The following AKR1C8 variants were observed in gnomAD, a reference collection of about 807,000 sequenced individuals.
AKR1C8 encodes aldo-keto reductase family 1 member C8.
the AKR1C8 span, among the ~76,000 whole-genome samples, chr10:5,178,517 T>G: frequency 6.6e-6 from 1 of 151,802 alleles, no homozygotes; most frequent in African/African-American, 2.4e-5. Context: ...AGAGCTGAGT[T>G]CAATTCCTGG....
the AKR1C8 span, among the ~76,000 whole-genome samples, chr10:5,178,780 C>G: frequency 1.5e-4 from 23 of 149,252 alleles, no homozygotes; most frequent in Non-Finnish European, 2.7e-4. Context: ...TCTGTTTTAT[C>G]AGAGACTAGG....
At chr10:5,165,120 T>G in the AKR1C8 span, among the ~76,000 whole-genome samples, 22 of 152,174 alleles carry the variant, frequency 1.4e-4, no homozygotes, top group South Asian at 4.1e-4. Context: ...TTGTCCCTAC[T>G]GATAGACATT....
the AKR1C8 span, among the ~76,000 whole-genome samples, chr10:5,168,893 G>T: frequency 6.6e-6 from 1 of 152,036 alleles, no homozygotes; most frequent in Admixed American, 6.6e-5. Context: ...TCAGAACCAA[G>T]TCTCTTAATT....
the AKR1C8 span, among the ~76,000 whole-genome samples, chr10:5,120,079 C>G: frequency 1.3e-5 from 2 of 152,184 alleles, no homozygotes; most frequent in Admixed American, 6.5e-5. Context: ...TGGCAAGGAA[C>G]AGCTGGCCCA....
chr10:5,139,607 G>A, the AKR1C8 span, among the ~76,000 whole-genome samples: 1 of 152,118 alleles, frequency 6.6e-6, no homozygotes, highest in Non-Finnish European at 1.5e-5. Flanking sequence ...TATATAGAAA[G>A]CTGAAATTGG....
chr10:5,179,518 G>C, the AKR1C8 span, among the ~76,000 whole-genome samples: 2 of 152,034 alleles, frequency 1.3e-5, no homozygotes, highest in African/African-American at 4.8e-5. Context: ...GAATCTGAAT[G>C]TTGGCCTGCC....
chr10:5,157,680 C>T, the AKR1C8 span: 5 of 472,672 alleles, frequency 1.1e-5, no homozygotes, highest in East Asian at 3.5e-4. Context: ...TCTTGGCCAG[C>T]ACCACCACTC....
At chr10:5,179,322 G>A in the AKR1C8 span, among the ~76,000 whole-genome samples, 3 of 152,150 alleles carry the variant, frequency 2.0e-5, no homozygotes, top group Non-Finnish European at 4.4e-5. Flanking sequence ...CTCTCTTCTG[G>A]CATGTAGAGT....
At chr10:5,125,645 GA>G in the AKR1C8 span, among the ~76,000 whole-genome samples, 1 of 152,168 alleles carries the variant, frequency 6.6e-6, no homozygotes, top group Non-Finnish European at 1.5e-5. Context: ...TGACTAACAA[GA>G]AGTCCTGAGC....
At chr10:5,127,919 A>C in the AKR1C8 span, among the ~76,000 whole-genome samples, 1 of 152,106 alleles carries the variant, frequency 6.6e-6, no homozygotes, top group Admixed American at 6.6e-5. Flanking sequence ...TCCAAATAGA[A>C]GAAGCTCAAA....
chr10:5,181,756 G>C, the AKR1C8 span, among the ~76,000 whole-genome samples: 4 of 152,100 alleles, frequency 2.6e-5, no homozygotes, highest in Non-Finnish European at 5.9e-5. Context: ...GTAAACCACA[G>C]AAATAACCAA....
At chr10:5,117,279 C>A in the AKR1C8 span, among the ~76,000 whole-genome samples, 139 of 152,166 alleles carry the variant, frequency 9.1e-4, no homozygotes, top group African/African-American at 3.3e-3. Flanking sequence ...AATGAGGTAG[C>A]GGACTTGAGC....
chr10:5,139,243 T>G, the AKR1C8 span, among the ~76,000 whole-genome samples: 3 of 152,202 alleles, frequency 2.0e-5, no homozygotes. Flanking sequence ...ATTTATAGAT[T>G]CAATGCCATC....
At chr10:5,157,372 ACTC>A in the AKR1C8 span, among the ~76,000 whole-genome samples, 1 of 148,626 alleles carries the variant, frequency 6.7e-6, no homozygotes, top group Non-Finnish European at 1.5e-5. Context: ...ATGTAGAAGA[ACTC>A]CTGAAACGGA....
chr10:5,180,895 T>C, the AKR1C8 span, among the ~76,000 whole-genome samples: 1 of 152,196 alleles, frequency 6.6e-6, no homozygotes, highest in South Asian at 2.1e-4. Context: ...CTGTCACCCT[T>C]TTCTTTGACT....
the AKR1C8 span, among the ~76,000 whole-genome samples, chr10:5,130,599 T>G: frequency 6.6e-6 from 1 of 151,880 alleles, no homozygotes; most frequent in Non-Finnish European, 1.5e-5. Context: ...AAAATCAATG[T>G]ACAGAAATTG....
the AKR1C8 span, among the ~76,000 whole-genome samples, chr10:5,145,998 C>T: frequency 6.6e-6 from 1 of 151,886 alleles, no homozygotes; most frequent in African/African-American, 2.4e-5. Context: ...CACATATACA[C>T]CATGGAATAC....
the AKR1C8 span, chr10:5,132,477 A>G: frequency 1.1e-6 from 1 of 870,300 alleles, no homozygotes; most frequent in Non-Finnish European, 1.6e-6. Context: ...TAATACATGA[A>G]TATGTGTCAA....
At chr10:5,144,982 A>G in the AKR1C8 span, among the ~76,000 whole-genome samples, 2 of 151,716 alleles carry the variant, frequency 1.3e-5, no homozygotes. Flanking sequence ...GTTTTTGCCC[A>G]TTCAGTATGA....
Sources: gnomAD v4.1 joint callset for allele counts (sites outside exome capture counted in the v4.1 genomes callset) on GRCh38, gnomAD v4.1.1 for gene constraint, MANE v1.5 for transcripts, NCBI Gene and HGNC (gene_info 2026-07-23, HGNC 2026-07-21) for gene names.